The following ADGRL2 variants were observed in gnomAD, a reference collection of about 807,000 sequenced individuals.
ADGRL2 encodes calcium-independent alpha-latrotoxin receptor 2.
ADGRL2 carries 44 observed loss-of-function variants against 157.4 expected under a neutral mutation model. That is an observed-to-expected ratio of 0.28 (90% CI 0.22 to 0.36). The LOEUF is 0.36. Among genes scored for constraint, ADGRL2 ranks in the 10% least tolerant of loss-of-function variants. ADGRL2 has a pLI of 1.00. For missense variants in ADGRL2, 1,510 were observed against 1,768.9 expected (o/e 0.85, Z 2.63); for synonymous variants, 585 against 624.7 (o/e 0.94, Z 0.95).
At chr1:81,509,618 T>C (rs1003887830) in intron 2 of ADGRL2, among the ~76,000 whole-genome samples, 1 of 152,144 alleles carries the variant, frequency 6.6e-6, no homozygotes, top group African/African-American at 2.4e-5. Flanking sequence ...TAGAAACTGT[T>C]AAAAACATGA....
intron 3 of ADGRL2, among the ~76,000 whole-genome samples, chr1:81,674,407 GCAT>G (rs1312761395): frequency 3.3e-5 from 5 of 152,186 alleles, no homozygotes; most frequent in Non-Finnish European, 5.9e-5. Context: ...AATTGCCAGT[GCAT>G]GGTGCTGTGG....
chr1:81,986,559 A>AAAT (rs1663208706), intron 21 of ADGRL2, among the ~76,000 whole-genome samples: 1 of 152,068 alleles, frequency 6.6e-6, no homozygotes, highest in Admixed American at 6.6e-5. Flanking sequence ...TTTTAATATT[A>AAAT]AGCAGTAACA....
chr1:81,961,211 C>T (rs142086052), intron 11 of ADGRL2, among the ~76,000 whole-genome samples: 12 of 152,242 alleles, frequency 7.9e-5, no homozygotes, highest in Admixed American at 4.6e-4. Flanking sequence ...TATATTATTT[C>T]AAGCATACAG....
intron 1 of ADGRL2, among the ~76,000 whole-genome samples, chr1:81,307,516 C>G (rs12132596): frequency 3.3e-5 from 5 of 152,084 alleles, no homozygotes; most frequent in Non-Finnish European, 7.4e-5. Flanking sequence ...TGCAATATGT[C>G]TTTGAAAGTA....
rs1016076662 is a variant in ADGRL2, at chr1:81,418,371, A to T, written c.-301-26665A>T. Among the ~76,000 whole-genome samples, 16 of 152,244 alleles carry T rather than the reference A, an allele frequency of 1.1e-4. 1 individual carries two copies. The highest frequency in any genetic ancestry group is 1.9e-4 in the Non-Finnish European group (13 of 68,044). Reference sequence around the variant, plus strand: ...GTGGTGGCATTTCTGCCATGTTTCCAATTAGAACTCCTATAAATTTTGAAA... The same window carrying T: ...GTGGTGGCATTTCTGCCATGTTTCCTATTAGAACTCCTATAAATTTTGAAA... On this transcript the variant is annotated intron_variant, in intron 1 of 24. Transcript: ENST00000370721.
At position 81,993,717 on chromosome 1, in the gene ADGRL2, T is replaced by C. The variant is rs1255261329; in HGVS notation, c.*2572T>C. On this transcript the variant is annotated 3_prime_UTR_variant, in exon 24 of 24. Coordinates refer to ENST00000686636, the MANE Select transcript of ADGRL2 (RefSeq NM_001366006.2). ...TGTAATTACTAAACTACTGACTGTT[T>C]TAATGCAGATGCGTTATTGTATTTA... Among the ~76,000 whole-genome samples the C allele has an allele frequency of 2.0e-5, 3 of 152,174 alleles. No individual in the cohort carries two copies. The highest frequency in any genetic ancestry group is 7.2e-5 in the African/African-American group (3 of 41,450).
chr1:81,632,750 G>A lies in ADGRL2; in HGVS notation c.-143+51770G>A, dbSNP rs1292339330. Among the ~76,000 whole-genome samples the A allele has an allele frequency of 5.0e-5, 7 of 140,686 alleles. No individual in the cohort carries two copies. In the East Asian group the frequency reaches 1.1e-3, roughly 22 times the overall value. The allele number at this position is 140,686 out of a possible 152,430, so 92.3% of individuals were successfully genotyped here. A position where few individuals can be genotyped will look rare whatever the true frequency, so the allele number is the denominator to read the frequency against. Reference sequence around the variant, plus strand: ...CTCCAGCCTGGGCAACAGAGACTCCGTCTCAAAAAAAAAAAAAAAGTCATT... The same window carrying A: ...CTCCAGCCTGGGCAACAGAGACTCCATCTCAAAAAAAAAAAAAAAGTCATT... On this transcript the variant is annotated intron_variant, in intron 3 of 24. Coordinates refer to the ADGRL2 transcript ENST00000370721.
intron 3 of ADGRL2, among the ~76,000 whole-genome samples, chr1:81,582,311 T>C (rs1180193914): frequency 6.6e-6 from 1 of 152,108 alleles, no homozygotes; most frequent in East Asian, 1.9e-4. Flanking sequence ...TTTGGTGTTT[T>C]TGGAGTTAAT....
chr1:81,312,114 G>A (rs1000269380), intron 1 of ADGRL2, among the ~76,000 whole-genome samples: 3 of 152,250 alleles, frequency 2.0e-5, no homozygotes, highest in Admixed American at 1.3e-4. Flanking sequence ...GAATGAATAC[G>A]TTAAGAGGAG....
In ADGRL2 at chr1:81,649,599, T is replaced by C. The variant is rs374852163; in HGVS notation, c.-143+68619T>C. On this transcript the variant is annotated intron_variant, in intron 3 of 24. Coordinates refer to the ADGRL2 transcript ENST00000370721. Reference sequence around the variant, plus strand: ...CCACCTCAACTGGATTGTCTTCTCATTTTTAAAAGAGGTCTACAAGAAAGC... The same window carrying C: ...CCACCTCAACTGGATTGTCTTCTCACTTTTAAAAGAGGTCTACAAGAAAGC... 1.4e-4 allele frequency among the ~76,000 whole-genome samples: 22 copies of C among 152,310 alleles called. No homozygotes were observed. In the East Asian group the frequency reaches 3.7e-3, roughly 25 times the overall value.
At chr1:81,720,464 G>A (rs900739597) in intron 1 of ADGRL2, among the ~76,000 whole-genome samples, 1 of 151,878 alleles carries the variant, frequency 6.6e-6, no homozygotes, top group African/African-American at 2.4e-5. Context: ...GAGTCACTGC[G>A]CCCGGCCAAA....
intron 2 of ADGRL2, among the ~76,000 whole-genome samples, chr1:81,482,231 A>G (rs1432710908): frequency 1.3e-5 from 2 of 152,228 alleles, no homozygotes; most frequent in Non-Finnish European, 2.9e-5. Context: ...AACAAAATAT[A>G]GTTTGCGGCC....
intron 1 of ADGRL2, among the ~76,000 whole-genome samples, chr1:81,711,584 T>C (rs531287367): frequency 2.6e-5 from 4 of 152,292 alleles, no homozygotes; most frequent in Admixed American, 1.3e-4. Flanking sequence ...TTGTTGTTTG[T>C]TTTGTGTTGT....
intron 3 of ADGRL2, among the ~76,000 whole-genome samples, chr1:81,592,938 G>GTACTTTCCTA (rs1036869284): frequency 6.6e-6 from 1 of 152,032 alleles, no homozygotes; most frequent in African/African-American, 2.4e-5. Context: ...CTGGGTATGG[G>GTACTTTCCTA]TACTTTCCTA....
At chr1:81,448,137 C>CTTTTTTTTTTT (rs1168945231) in intron 2 of ADGRL2, among the ~76,000 whole-genome samples, 9 of 83,502 alleles carry the variant, frequency 1.1e-4, no homozygotes, top group Admixed American at 1.7e-4. Flanking sequence ...TTCTTTCTTT[C>CTTTTTTTTTTT]TTTTTTTTTT....
upstream of ADGRL2, among the ~76,000 whole-genome samples, chr1:81,797,366 A>G (rs709691): frequency 1 from 151,531 of 152,208 alleles, 75,434 homozygotes; most frequent in Non-Finnish European, 1. Context: ...GCAAAAATAC[A>G]CTCCCCATAA....
At chr1:81,682,183 G>A (rs536755632) in intron 3 of ADGRL2, among the ~76,000 whole-genome samples, 1 of 151,448 alleles carries the variant, frequency 6.6e-6, no homozygotes, top group Admixed American at 6.6e-5. Flanking sequence ...CAGGAAGGAA[G>A]CTGTTGCTGG....
chr1:81,836,835 T>G (rs2092310202), intron 1 of ADGRL2, 50 bp from the exon 2 acceptor site: 1 of 510,666 alleles, frequency 2.0e-6, no homozygotes. Flanking sequence ...AGAATTGTTT[T>G]GTTATGTAGA....
At chr1:81,746,808 T>G (rs1451643159) in intron 1 of ADGRL2, among the ~76,000 whole-genome samples, 2 of 151,396 alleles carry the variant, frequency 1.3e-5, no homozygotes, top group Non-Finnish European at 2.9e-5. Context: ...TCTCTGAGAA[T>G]TAGTATACTA....
Sources: allele counts gnomAD v4.1 joint callset (sites outside exome capture counted in the v4.1 genomes callset), GRCh38; gene constraint gnomAD v4.1.1; transcripts MANE v1.5; gene names NCBI Gene and HGNC (gene_info 2026-07-23, HGNC 2026-07-21).